Variants in SCHIP1 observed in about 807,000 individuals in gnomAD.
The protein encoded by SCHIP1 is schwannomin interacting protein 1, also known as schwannomin-interacting protein 1.
In SCHIP1, 8 loss-of-function variants were observed where a neutral mutation model predicts 29.7. That is an observed-to-expected ratio of 0.27 (90% CI 0.16 to 0.49). The LOEUF (loss-of-function observed/expected upper bound fraction) is 0.49, where lower values mean the gene tolerates loss of function less well. Ranked by LOEUF, SCHIP1 falls within the 20% of genes least tolerant of loss-of-function variation. The pLI is 0.99. For synonymous variants in SCHIP1, 76 were observed against 94.9 expected (o/e 0.80, Z 1.16); for missense variants, 193 against 294.6 (o/e 0.66, Z 2.52).
the SCHIP1 span, among the ~76,000 whole-genome samples, chr3:159,399,557 A>G: frequency 6.6e-6 from 1 of 152,126 alleles, no homozygotes; most frequent in Non-Finnish European, 1.5e-5. Context: ...GAAGCACCAG[A>G]ATCTCCATGT....
the SCHIP1 span, among the ~76,000 whole-genome samples, chr3:159,557,528 A>C: frequency 2.0e-5 from 3 of 152,186 alleles, no homozygotes; most frequent in Non-Finnish European, 2.9e-5. Flanking sequence ...TAAGAATCAA[A>C]ATTTTGGCTG....
the SCHIP1 span, among the ~76,000 whole-genome samples, chr3:159,705,938 C>A: frequency 6.6e-6 from 1 of 152,066 alleles, no homozygotes; most frequent in Non-Finnish European, 1.5e-5. Context: ...GAGTCCTGAC[C>A]TCATGATCCA....
chr3:159,501,501 G>A, the SCHIP1 span, among the ~76,000 whole-genome samples: 1 of 152,138 alleles, frequency 6.6e-6, no homozygotes, highest in South Asian at 2.1e-4. Flanking sequence ...ACAGTGTCAG[G>A]AATTAAAAAT....
At chr3:159,872,225 T>C (rs1474687808) in intron 2 of SCHIP1, among the ~76,000 whole-genome samples, 1 of 152,336 alleles carries the variant, frequency 6.6e-6, no homozygotes, top group East Asian at 1.9e-4. Flanking sequence ...GTGCTTAATA[T>C]GCCATGGTTA....
the SCHIP1 span, among the ~76,000 whole-genome samples, chr3:159,830,198 A>T: frequency 1.3e-5 from 2 of 152,230 alleles, no homozygotes; most frequent in Non-Finnish European, 2.9e-5. Flanking sequence ...TATATCTGGA[A>T]TAAGATTATA....
the SCHIP1 span, among the ~76,000 whole-genome samples, chr3:159,348,356 A>T: frequency 6.6e-6 from 1 of 152,154 alleles, no homozygotes; most frequent in African/African-American, 2.4e-5. Flanking sequence ...GAGGTTAGTT[A>T]ATGTTAATCT....
chr3:159,447,913 G>A, the SCHIP1 span, among the ~76,000 whole-genome samples: 1 of 152,104 alleles, frequency 6.6e-6, no homozygotes, highest in Non-Finnish European at 1.5e-5. Context: ...AGGGCTATAA[G>A]GTTACCCGTC....
the SCHIP1 span, among the ~76,000 whole-genome samples, chr3:159,299,094 C>T: frequency 6.6e-6 from 1 of 152,174 alleles, no homozygotes; most frequent in East Asian, 1.9e-4. Context: ...AGAAACTTTC[C>T]AAGCCTTCTA....
chr3:159,427,612 A>T, the SCHIP1 span, among the ~76,000 whole-genome samples: 3 of 152,048 alleles, frequency 2.0e-5, no homozygotes, highest in African/African-American at 7.2e-5. Flanking sequence ...GAAAATGGCC[A>T]TACTGCCCAA....
the SCHIP1 span, among the ~76,000 whole-genome samples, chr3:159,738,081 G>C: frequency 6.6e-6 from 1 of 152,120 alleles, no homozygotes; most frequent in South Asian, 2.1e-4. Context: ...GCCTATATTT[G>C]AGAAGGTGTA....
the SCHIP1 span, among the ~76,000 whole-genome samples, chr3:159,335,594 A>G: frequency 6.6e-6 from 1 of 151,898 alleles, no homozygotes; most frequent in South Asian, 2.1e-4. Flanking sequence ...ACATGTGGTG[A>G]TTGGTTTTTT....
the SCHIP1 span, among the ~76,000 whole-genome samples, chr3:159,828,457 A>ATATGTATATATACG: frequency 8.1e-6 from 1 of 123,106 alleles, no homozygotes; most frequent in African/African-American, 4.3e-5. Flanking sequence ...ATATACGTAT[A>ATATGTATATATACG]TATATGTATA....
At chr3:159,345,328 A>G in the SCHIP1 span, among the ~76,000 whole-genome samples, 4 of 152,162 alleles carry the variant, frequency 2.6e-5, no homozygotes, top group South Asian at 6.2e-4. Context: ...AGAAAATTGC[A>G]TTGATACTAA....
At chr3:159,364,487 A>G in the SCHIP1 span, among the ~76,000 whole-genome samples, 4 of 152,196 alleles carry the variant, frequency 2.6e-5, no homozygotes, top group Admixed American at 6.5e-5. Context: ...AGAAGTTTGC[A>G]TCTTAGGACT....
At chr3:159,360,832 G>C in the SCHIP1 span, among the ~76,000 whole-genome samples, 1 of 152,038 alleles carries the variant, frequency 6.6e-6, no homozygotes, top group Non-Finnish European at 1.5e-5. Context: ...TTTTAAATCA[G>C]GCTATGGTGT....
the SCHIP1 span, among the ~76,000 whole-genome samples, chr3:159,750,296 T>TATATACACACAC: frequency 1.5e-5 from 2 of 132,742 alleles, no homozygotes; most frequent in African/African-American, 6.2e-5. Flanking sequence ...TATATATATA[T>TATATACACACAC]ACACACACAC....
At chr3:159,598,855 C>A in the SCHIP1 span, among the ~76,000 whole-genome samples, 114 of 152,170 alleles carry the variant, frequency 7.5e-4, 1 homozygote, top group African/African-American at 2.7e-3. Flanking sequence ...GTAATATATG[C>A]TTTATGAATC....
the SCHIP1 span, among the ~76,000 whole-genome samples, chr3:159,784,520 G>A: frequency 1.3e-5 from 2 of 152,226 alleles, no homozygotes; most frequent in East Asian, 3.8e-4. Flanking sequence ...TGCTACACAA[G>A]AAACATGAAA....
the SCHIP1 span, among the ~76,000 whole-genome samples, chr3:159,753,211 C>T: frequency 6.6e-6 from 1 of 152,240 alleles, no homozygotes; most frequent in Non-Finnish European, 1.5e-5. Flanking sequence ...CAAATACCAT[C>T]CATATGCTAT....
Sources: allele counts gnomAD v4.1 joint callset (sites outside exome capture counted in the v4.1 genomes callset), GRCh38; gene constraint gnomAD v4.1.1; transcripts MANE v1.5; gene names NCBI Gene and HGNC (gene_info 2026-07-23, HGNC 2026-07-21).